Variants in ZSWIM6 observed in about 807,000 individuals in gnomAD.
ZSWIM6 encodes the protein zinc finger SWIM domain-containing protein 6.
In ZSWIM6, 9 loss-of-function variants were observed where a neutral mutation model predicts 113.2. The ratio of observed to expected loss-of-function variants is 0.08; its 90% CI spans 0.05 to 0.14. The LOEUF is 0.14. Among genes scored for constraint, ZSWIM6 ranks in the 10% least tolerant of loss-of-function variants. The probability of loss-of-function intolerance (pLI) is 1.00; values close to 1 mark genes in which losing one functional copy is unlikely to be tolerated. For missense variants in ZSWIM6, 1,162 were observed against 1,552.2 expected (o/e 0.75, Z 4.22); for synonymous variants, 611 against 606.5 (o/e 1.01, Z -0.11).
chr5:61,440,549 C>T (rs1179236842), intron 1 of ZSWIM6, among the ~76,000 whole-genome samples: 1 of 152,136 alleles, frequency 6.6e-6, no homozygotes, highest in Non-Finnish European at 1.5e-5. Context: ...ATACCAGGGA[C>T]ATTTAACTTA....
At chr5:61,436,237 C>G (rs1746704590) in intron 1 of ZSWIM6, among the ~76,000 whole-genome samples, 1 of 151,610 alleles carries the variant, frequency 6.6e-6, no homozygotes, top group African/African-American at 2.4e-5. Context: ...CTAATTATCA[C>G]TAAATGAGAT....
intron 2 of ZSWIM6, among the ~76,000 whole-genome samples, chr5:61,484,669 T>C (rs538761427): frequency 1.3e-5 from 2 of 152,334 alleles, no homozygotes; most frequent in South Asian, 4.1e-4. Flanking sequence ...ATAGACCTAG[T>C]AGTTAACTTC....
At chr5:61,535,854 T>A (rs571315315) in intron 10 of ZSWIM6, among the ~76,000 whole-genome samples, 5 of 152,332 alleles carry the variant, frequency 3.3e-5, no homozygotes, top group South Asian at 2.1e-4. Context: ...CACCGTGGCT[T>A]TTTCCTACTT....
intron 2 of ZSWIM6, among the ~76,000 whole-genome samples, chr5:61,473,309 A>G (rs994176965): frequency 2.6e-5 from 4 of 152,142 alleles, no homozygotes; most frequent in African/African-American, 9.7e-5. Flanking sequence ...CAAGTACTAG[A>G]TATTAGTTAT....
rs1749035068 is a variant in ZSWIM6, at chr5:61,518,845, AG to A, written c.1334-2417del. 2.6e-5 allele frequency among the ~76,000 whole-genome samples: 4 copies of A among 152,026 alleles called. No individual in the cohort carries two copies. In the South Asian group the frequency reaches 8.3e-4, roughly 32 times the overall value. On this transcript the variant is annotated intron_variant, in intron 4 of 13. Transcript: ENST00000252744. ...TTTTTGCCATTGCTTTTGGTGTTTT[AG>A]ACATGAAGTCCTTGCCCATGCCTAT...
chr5:61,337,282 C>CG (rs1430796585), intron 1 of ZSWIM6, among the ~76,000 whole-genome samples: 4 of 147,732 alleles, frequency 2.7e-5, no homozygotes, highest in Non-Finnish European at 4.5e-5. Flanking sequence ...CCGTCTCCCC[C>CG]CCCAAAAAAA....
intron 1 of ZSWIM6, among the ~76,000 whole-genome samples, chr5:61,443,707 G>C (rs1041561160): frequency 2.6e-5 from 4 of 152,078 alleles, no homozygotes; most frequent in Non-Finnish European, 5.9e-5. Flanking sequence ...AGTTTCCCAA[G>C]CAATAAGATG....
At chr5:61,448,276 T>C (rs1747008848) in intron 1 of ZSWIM6, among the ~76,000 whole-genome samples, 1 of 152,214 alleles carries the variant, frequency 6.6e-6, no homozygotes, top group Non-Finnish European at 1.5e-5. Flanking sequence ...TTTTATTGAG[T>C]TGTAAAACTA....
At chr5:61,375,825 G>A (rs1197634826) in intron 1 of ZSWIM6, 8 of 1,138,234 alleles carry the variant, frequency 7.0e-6, no homozygotes, top group Non-Finnish European at 1.0e-5. Context: ...AGAAAAAGAA[G>A]GCTGCTAGTT....
intron 1 of ZSWIM6, among the ~76,000 whole-genome samples, chr5:61,449,417 A>G (rs887357930): frequency 6.6e-6 from 1 of 152,012 alleles, no homozygotes; most frequent in Non-Finnish European, 1.5e-5. Flanking sequence ...TTGTTTAGGG[A>G]TGGGGTCTTA....
chr5:61,539,309 TCTCA>T, intron 11 of ZSWIM6, among the ~76,000 whole-genome samples: 2 of 152,336 alleles, frequency 1.3e-5, no homozygotes, highest in Admixed American at 1.3e-4. Flanking sequence ...GCTGTTGCTG[TCTCA>T]TGTTGGTCCT....
intron 1 of ZSWIM6, among the ~76,000 whole-genome samples, chr5:61,465,850 A>G (rs1172706946): frequency 6.6e-6 from 1 of 152,244 alleles, no homozygotes; most frequent in Non-Finnish European, 1.5e-5. Context: ...TTTCCTTTAA[A>G]AAATATTTTT....
intron 1 of ZSWIM6, among the ~76,000 whole-genome samples, chr5:61,452,124 A>G (rs987413340): frequency 4.6e-5 from 7 of 152,088 alleles, no homozygotes; most frequent in Admixed American, 2.0e-4. Context: ...CTTTGAGTCA[A>G]TCATTTTCTT....
Position 61,472,263 on chromosome 5 carries a change from C to T in ZSWIM6, c.677-418C>T, listed in dbSNP as rs1251713399. On this transcript the variant is annotated intron_variant, in intron 1 of 13. Coordinates refer to ENST00000252744, the MANE Select transcript of ZSWIM6 (RefSeq NM_020928.2). The surrounding 1 kb of genome is among the most constrained non-coding windows in gnomAD (Gnocchi z 4.1). ...AGTTAGTTTGTTTTTGAGAAGAAAGCTGAGCTAGGTGACTCTGCTTAAAAA... is the reference window on the plus strand; with the variant it reads ...AGTTAGTTTGTTTTTGAGAAGAAAGTTGAGCTAGGTGACTCTGCTTAAAAA... 6.6e-6 allele frequency among the ~76,000 whole-genome samples: 1 copy of T among 152,058 alleles called. No homozygotes were observed. The highest frequency in any genetic ancestry group is 2.4e-5 in the African/African-American group (1 of 41,390).
At chr5:61,343,099 GTTACAA>G (rs1165270152) in intron 1 of ZSWIM6, among the ~76,000 whole-genome samples, 4 of 152,158 alleles carry the variant, frequency 2.6e-5, no homozygotes, top group Admixed American at 2.0e-4. Context: ...CTTTTAAAAT[GTTACAA>G]TTATATTATT....
At chr5:61,418,860 C>T (rs1234445970) in intron 1 of ZSWIM6, among the ~76,000 whole-genome samples, 5 of 152,278 alleles carry the variant, frequency 3.3e-5, no homozygotes, top group East Asian at 3.9e-4. Flanking sequence ...CTTGCCCTGT[C>T]GCCCAGGCTA....
At chr5:61,334,215 C>T (rs1019054465) in intron 1 of ZSWIM6, among the ~76,000 whole-genome samples, 1 of 152,152 alleles carries the variant, frequency 6.6e-6, no homozygotes, top group Non-Finnish European at 1.5e-5. Context: ...GTCTCCTGTT[C>T]CCCCTCCCCT....
At position 61,375,022 on chromosome 5, in the gene ZSWIM6, A is replaced by G. The variant is rs904969303; in HGVS notation, c.676+42074A>G. The G allele has an allele frequency of 3.4e-6, 4 of 1,163,866 alleles. No individual in the cohort carries two copies. In the South Asian group the frequency reaches 5.1e-5, roughly 15 times the overall value. The allele number at this position is 1,163,866 out of a possible 1,614,324, so 72.1% of individuals were successfully genotyped here. On this transcript the variant is annotated intron_variant, in intron 1 of 13. Coordinates refer to ENST00000252744, the MANE Select transcript of ZSWIM6 (RefSeq NM_020928.2). ...AACACTATGAAAAAGAAGAGTAATG[A>G]GAGGTGGGACCAAGTCTATAAGATA...
intron 1 of ZSWIM6, among the ~76,000 whole-genome samples, chr5:61,455,981 G>T (rs1440628393): frequency 2.0e-5 from 3 of 151,984 alleles, no homozygotes; most frequent in Non-Finnish European, 2.9e-5. Flanking sequence ...TAGAATTATC[G>T]AGAGGTGAAG....
Sources: gnomAD v4.1 joint callset for allele counts (sites outside exome capture counted in the v4.1 genomes callset) on GRCh38, gnomAD v4.1.1 for gene constraint, Gnocchi (gnomAD v3.1) non-coding constraint, MANE v1.5 for transcripts, NCBI Gene and HGNC (gene_info 2026-07-23, HGNC 2026-07-21) for gene names.